Variants in APBB1IP observed in about 807,000 individuals in gnomAD.
APBB1IP encodes amyloid beta A4 precursor protein-binding family B member 1-interacting protein.
Under a neutral mutation model 64.9 loss-of-function variants are expected in APBB1IP, and 27 were observed. The ratio of observed to expected loss-of-function variants is 0.42; its 90% CI spans 0.31 to 0.57. The LOEUF is 0.57. APBB1IP is among the 20% of genes least tolerant of loss of function. APBB1IP has a pLI of 0.20. For missense variants in APBB1IP, 812 were observed against 845.5 expected (o/e 0.96, Z 0.49); for synonymous variants, 392 against 331.0 (o/e 1.18, Z -2.00).
chr10:26,483,036 G>A (rs786716), intron 2 of APBB1IP, among the ~76,000 whole-genome samples: 8,567 of 136,492 alleles, frequency 0.063, 841 homozygotes, highest in African/African-American at 0.22. Flanking sequence ...GTTGCAGTGA[G>A]CCGAGATCAC....
intron 2 of APBB1IP, among the ~76,000 whole-genome samples, chr10:26,477,913 C>T (rs1035023122): frequency 3.3e-5 from 5 of 152,098 alleles, no homozygotes; most frequent in South Asian, 2.1e-4. Context: ...TTTGTAGAGA[C>T]GGGATCATGC....
rs1224995723 is a variant in APBB1IP, at chr10:26,506,249, G to GT, written c.531+2976dup. On this transcript the variant is annotated intron_variant, in intron 6 of 14. Transcript: ENST00000376236. ...CAGTGCTTAACACTACCGTGTGTGT[G>GT]TGGGGGGGGGGGGTGGGGGGCAAGG... is the stretch of plus-strand genomic sequence containing the variant. 5.2e-3 allele frequency among the ~76,000 whole-genome samples: 391 copies of GT among 75,528 alleles called. 4 individuals carry two copies. Among genetic ancestry groups the GT allele is most frequent in the East Asian group, 0.033 (98 of 2,944 alleles). 49.5% of individuals were successfully genotyped at this position (75,528 alleles called of 152,430 possible).
intron 2 of APBB1IP, among the ~76,000 whole-genome samples, chr10:26,487,211 CCT>C (rs371254233): frequency 2.2e-3 from 280 of 126,718 alleles, no homozygotes; most frequent in African/African-American, 7.6e-3. Flanking sequence ...TTTTTTTTTT[CCT>C]CTCTCTCTCT....
chr10:26,526,275 A>G (rs1564369401), intron 8 of APBB1IP, among the ~76,000 whole-genome samples: 1 of 152,214 alleles, frequency 6.6e-6, no homozygotes, highest in African/African-American at 2.4e-5. Context: ...GTAAGGCACA[A>G]CCTTACATAA....
At chr10:26,565,170 A>G (rs1837024716) in intron 14 of APBB1IP, among the ~76,000 whole-genome samples, 1 of 152,212 alleles carries the variant, frequency 6.6e-6, no homozygotes, top group Non-Finnish European at 1.5e-5. Flanking sequence ...TAGGACATTT[A>G]AGCCAGGAGA....
intron 6 of APBB1IP, among the ~76,000 whole-genome samples, chr10:26,505,891 C>T (rs1352719450): frequency 6.6e-6 from 1 of 152,156 alleles, no homozygotes; most frequent in Non-Finnish European, 1.5e-5. Flanking sequence ...CCATCTCACA[C>T]GTGAAGCCAG....
At chr10:26,565,883 G>A (rs1366870063) in intron 14 of APBB1IP, among the ~76,000 whole-genome samples, 6 of 152,180 alleles carry the variant, frequency 3.9e-5, no homozygotes, top group African/African-American at 1.4e-4. Context: ...AGAGTCCAAA[G>A]AGGTTGGGAA....
At chr10:26,487,651 T>C (rs189910033) in intron 2 of APBB1IP, among the ~76,000 whole-genome samples, 11 of 152,278 alleles carry the variant, frequency 7.2e-5, no homozygotes, top group Admixed American at 5.9e-4. Flanking sequence ...GAACGCGCTG[T>C]TGTTTTGAGT....
intron 2 of APBB1IP, among the ~76,000 whole-genome samples, chr10:26,460,655 A>G (rs975216811): frequency 6.6e-6 from 1 of 152,228 alleles, no homozygotes; most frequent in Non-Finnish European, 1.5e-5. Context: ...TTGCAGGGAC[A>G]TGGATGGAGC....
intron 2 of APBB1IP, among the ~76,000 whole-genome samples, chr10:26,475,882 A>G (rs1170666084): frequency 2.0e-5 from 3 of 151,856 alleles, no homozygotes; most frequent in Non-Finnish European, 4.4e-5. Flanking sequence ...GGTCGAGTCA[A>G]TTTCAAAGGC....
At chr10:26,519,266 G>A (rs1340259099) in intron 8 of APBB1IP, among the ~76,000 whole-genome samples, 1 of 152,078 alleles carries the variant, frequency 6.6e-6, no homozygotes, top group Non-Finnish European at 1.5e-5. Flanking sequence ...ACTCCAGCCT[G>A]GGCAACAAGA....
intron 2 of APBB1IP, among the ~76,000 whole-genome samples, chr10:26,440,375 G>A (rs990949770): frequency 4.6e-5 from 7 of 152,182 alleles, no homozygotes; most frequent in African/African-American, 7.2e-5. Context: ...CATTAGAATT[G>A]CTGATCACAA....
chr10:26,449,650 A>G (rs1184650757), intron 2 of APBB1IP, among the ~76,000 whole-genome samples: 2 of 152,192 alleles, frequency 1.3e-5, no homozygotes, highest in African/African-American at 2.4e-5. Context: ...GTATCAAATC[A>G]TTACTGCCAA....
intron 4 of APBB1IP, among the ~76,000 whole-genome samples, chr10:26,499,573 C>T (rs1836070711): frequency 6.6e-6 from 1 of 152,150 alleles, no homozygotes; most frequent in South Asian, 2.1e-4. Flanking sequence ...CCTCATGGAT[C>T]ACTTCCTTCC....
intron 11 of APBB1IP, among the ~76,000 whole-genome samples, chr10:26,552,251 A>T (rs1206744101): frequency 6.6e-6 from 1 of 152,154 alleles, no homozygotes; most frequent in Non-Finnish European, 1.5e-5. Context: ...GTGAGTTATG[A>T]TCACACTACT....
At chr10:26,559,803 C>CT (rs954221398) in intron 11 of APBB1IP, among the ~76,000 whole-genome samples, 1 of 151,446 alleles carries the variant, frequency 6.6e-6, no homozygotes, top group East Asian at 1.9e-4. Flanking sequence ...TTCTTTTTTT[C>CT]TTTTTTCTTT....
intron 6 of APBB1IP, 84 bp downstream of exon 6, chr10:26,503,358 G>A (rs890371574): frequency 2.0e-5 from 28 of 1,383,588 alleles, no homozygotes; most frequent in Admixed American, 6.1e-5. Context: ...AAATAAAGCC[G>A]GGCGCGGTGG....
chr10:26,534,952 CAG>C (rs1836601633), intron 9 of APBB1IP, among the ~76,000 whole-genome samples: 1 of 152,050 alleles, frequency 6.6e-6, no homozygotes, highest in Non-Finnish European at 1.5e-5. Context: ...GGAGTGTAAA[CAG>C]AAATATTTTC....
chr10:26,499,368 C>T (rs1257921438), intron 4 of APBB1IP, among the ~76,000 whole-genome samples: 1 of 151,792 alleles, frequency 6.6e-6, no homozygotes, highest in Admixed American at 6.6e-5. Flanking sequence ...GTAAAATAAA[C>T]TGTTTTTACA....
Sources: allele counts gnomAD v4.1 joint callset (sites outside exome capture counted in the v4.1 genomes callset), GRCh38; gene constraint gnomAD v4.1.1; transcripts MANE v1.5; gene names NCBI Gene and HGNC (gene_info 2026-07-23, HGNC 2026-07-21).